USP20: variants seen among roughly 807,000 people sequenced by gnomAD.
USP20 encodes the protein ubiquitin carboxyl-terminal hydrolase 20.
Under a neutral mutation model 124.2 loss-of-function variants are expected in USP20, and 80 were observed. The ratio of observed to expected loss-of-function variants is 0.64; its 90% CI spans 0.54 to 0.78. USP20 has a LOEUF of 0.78. Among genes scored for constraint, USP20 ranks in the 30% least tolerant of loss-of-function variants. USP20 has a pLI of 0.00. For synonymous variants in USP20, 481 were observed against 512.3 expected, an observed-to-expected ratio of 0.94 and a Z score of 0.83; for missense variants, 1,043 against 1,244.4, an observed-to-expected ratio of 0.84 and a Z score of 2.44.
chr9:129,855,370 G>A (rs4240441), intron 3 of USP20, among the ~76,000 whole-genome samples: 132,439 of 151,090 alleles, frequency 0.88, 58,441 homozygotes, highest in East Asian at 1. Flanking sequence ...GGCGGAGTTT[G>A]CAGTGAGCCG....
At position 129,874,641 on chromosome 9, in the gene USP20, C is replaced by T. The variant is rs35899714; in HGVS notation, c.1806C>T (p.His602=). The T allele has an allele frequency of 0.081, 130,432 of 1,613,898 alleles. 5,801 individuals carry two copies. The highest frequency in any genetic ancestry group is 0.13 in the Middle Eastern group (794 of 6,062). The change falls in exon 18 of 26, where the codon CAC becomes CAT. Residue 602 remains histidine, a synonymous_variant. Coordinates refer to ENST00000372429, the MANE Select transcript of USP20 (RefSeq NM_001110303.4). ...TGTACTCATTCAAGATCAACAGCCA[C>T]GTCTCCTTCCCCCTCGAGGGGCTCG... ...EVMYSFKINS[H]VSFPLEGLDL...
chr9:129,872,238 C>T (rs561999586), intron 15 of USP20, among the ~76,000 whole-genome samples: 2 of 152,078 alleles, frequency 1.3e-5, no homozygotes, highest in East Asian at 1.9e-4. Context: ...CTGCAGCCTC[C>T]GCCTCCTGGG....
chr9:129,862,115 T>A (rs969599198), intron 8 of USP20, among the ~76,000 whole-genome samples: 1 of 105,958 alleles, frequency 9.4e-6, no homozygotes, highest in African/African-American at 3.3e-5. Flanking sequence ...TCCTACCCAG[T>A]GGAGGTTAGA....
At chr9:129,866,063 G>T (rs968730250) in intron 10 of USP20, among the ~76,000 whole-genome samples, 4 of 152,136 alleles carry the variant, frequency 2.6e-5, no homozygotes, top group African/African-American at 9.7e-5. Context: ...CCTCAGCCCC[G>T]GGCTGATGGC....
At chr9:129,854,038 G>A (rs1422458866) in intron 3 of USP20, among the ~76,000 whole-genome samples, 6 of 152,128 alleles carry the variant, frequency 3.9e-5, no homozygotes, top group Non-Finnish European at 8.8e-5. Context: ...AGTAAAAGAG[G>A]TAGAAATGAC....
At chr9:129,860,335 GA>G (rs33939524) in intron 6 of USP20, among the ~76,000 whole-genome samples, 86 of 149,410 alleles carry the variant, frequency 5.8e-4, no homozygotes, top group African/African-American at 1.9e-3. Context: ...GTCTCAAAAA[GA>G]AAAAAAAAAA....
intron 2 of USP20, among the ~76,000 whole-genome samples, chr9:129,851,709 T>C (rs1252686656): frequency 6.6e-6 from 1 of 152,238 alleles, no homozygotes; most frequent in Non-Finnish European, 1.5e-5. Context: ...GGAAAGATGT[T>C]TGCTACTTGT....
At chr9:129,877,438 A>G (rs2034454283) in intron 22 of USP20, among the ~76,000 whole-genome samples, 2 of 152,184 alleles carry the variant, frequency 1.3e-5, no homozygotes, top group South Asian at 2.1e-4. Flanking sequence ...TGGGAGGATC[A>G]CCTAAGCCTG....
chr9:129,867,927 T>C, intron 10 of USP20, 78 bp from the exon 11 acceptor site: 3 of 1,505,948 alleles, frequency 2.0e-6, no homozygotes, highest in Non-Finnish European at 2.7e-6. Flanking sequence ...AGGCTGGCGC[T>C]CTCATCAGCC....
At chr9:129,876,053 A>G in intron 21 of USP20, 77 bp from the exon 22 acceptor site, 1 of 1,283,678 alleles carries the variant, frequency 7.8e-7, no homozygotes, top group Non-Finnish European at 1.1e-6. Context: ...CTTGAGGGGG[A>G]AGTGGAAGGC....
At chr9:129,859,016 A>G (rs971491724) in intron 6 of USP20, among the ~76,000 whole-genome samples, 1 of 152,058 alleles carries the variant, frequency 6.6e-6, no homozygotes, top group African/African-American at 2.4e-5. Flanking sequence ...GGTAGTTGCT[A>G]CAGCACACTT....
In USP20 at chr9:129,846,747, C is replaced by T. The variant is rs984820920; in HGVS notation, c.-128-3066C>T. Among the ~76,000 whole-genome samples the T allele has an allele frequency of 1.3e-4, 19 of 151,942 alleles. No homozygotes were observed. In the East Asian group the frequency reaches 3.3e-3, roughly 27 times the overall value. Reference sequence around the variant, plus strand: ...GTTCAAGCGATTCTCCTGCCTCAGCCTCCCTACTAGCTGGGAATACAGGCT... The same window carrying T: ...GTTCAAGCGATTCTCCTGCCTCAGCTTCCCTACTAGCTGGGAATACAGGCT... On this transcript the variant is annotated intron_variant, in intron 1 of 25. Coordinates refer to ENST00000372429, the MANE Select transcript of USP20 (RefSeq NM_001110303.4).
chr9:129,846,988 C>G (rs1211835367), intron 1 of USP20, among the ~76,000 whole-genome samples: 1 of 152,110 alleles, frequency 6.6e-6, no homozygotes, highest in South Asian at 2.1e-4. Context: ...CAAAATTTCC[C>G]TTTTTAGGCT....
At chr9:129,870,325 C>A in intron 14 of USP20, 128 bp from the exon 15 acceptor site, 2 of 993,868 alleles carry the variant, frequency 2.0e-6, no homozygotes, top group Non-Finnish European at 3.0e-6. Context: ...CCCGCCGTGC[C>A]CGGCTGCTTC....
intron 12 of USP20, 57 bp from the exon 13 acceptor site, chr9:129,869,253 G>T: frequency 1.9e-6 from 3 of 1,541,314 alleles, no homozygotes; most frequent in African/African-American, 1.4e-5. Flanking sequence ...CGCAGGGCCC[G>T]CACCTCGCCC....
chr9:129,843,136 G>A (rs1254520100), intron 1 of USP20, among the ~76,000 whole-genome samples: 1 of 133,708 alleles, frequency 7.5e-6, no homozygotes, highest in Non-Finnish European at 1.6e-5. Context: ...TTTTTTTTTG[G>A]TCAAAGATGT....
At position 129,875,475 on chromosome 9, in the gene USP20, C is replaced by T. The variant is rs1448175330; in HGVS notation, c.2214C>T (p.His738=). ...PITNQTFLCS[H]GGIPPHKYHY... is the part of the protein sequence containing the mutation. ...CCAACCAGACCTTCCTCTGCTCCCA[C>T]GGAGGTGAGGCGCCCCCTGTGGTGG... Residue 738 remains histidine (H), a synonymous_variant, in exon 20 of 26, where the codon CAC becomes CAT. Transcript: ENST00000372429. 8.1e-6 allele frequency: 13 copies of T among 1,612,752 alleles called. No homozygotes were observed. Among genetic ancestry groups the T allele is most frequent in the Admixed American group, 3.3e-5 (2 of 59,922 alleles).
chr9:129,871,799 C>A (rs895501635), intron 15 of USP20, among the ~76,000 whole-genome samples: 28 of 152,108 alleles, frequency 1.8e-4, no homozygotes, highest in Non-Finnish European at 3.7e-4. Flanking sequence ...TTATTGCAAC[C>A]TCCACCTCCT....
chr9:129,854,724 G>A (rs891577576), intron 3 of USP20, among the ~76,000 whole-genome samples: 5 of 152,164 alleles, frequency 3.3e-5, no homozygotes, highest in Admixed American at 2.6e-4. Flanking sequence ...GAAGGTTTGG[G>A]GCTGCGGTTT....
Sources: allele counts gnomAD v4.1 joint callset (sites outside exome capture counted in the v4.1 genomes callset), GRCh38; gene constraint gnomAD v4.1.1; transcripts MANE v1.5; gene names NCBI Gene and HGNC (gene_info 2026-07-23, HGNC 2026-07-21).